ADA2: variants seen among roughly 807,000 people sequenced by gnomAD.
ADA2 encodes the protein adenosine deaminase CECR1.
ADA2 carries 29 observed loss-of-function variants against 44.2 expected under a neutral mutation model. The observed-to-expected ratio is 0.66, with a 90% CI of 0.49 to 0.89. The LOEUF is 0.89. ADA2 is among the 40% of genes least tolerant of loss of function. The pLI, the probability that ADA2 is intolerant of heterozygous loss-of-function variation, is 0.00. For missense variants in ADA2, 637 were observed against 644.8 expected (o/e 0.99, Z 0.13); for synonymous variants, 215 against 234.9 (o/e 0.92, Z 0.77).
rs2061944403 is a variant in ADA2 at position 17,179,440 on chromosome 22, A to C, written c.*2043T>G. ...ACAGTCTGGCAGGGCAAGACTGTAG[A>C]CACAGAAATAAATATCCGATTATAA... On this transcript the variant is annotated 3_prime_UTR_variant, in exon 10 of 10. Transcript: ENST00000399837. The C allele has an allele frequency of 6.6e-6, 1 of 152,246 alleles. No homozygotes were observed. Among genetic ancestry groups the C allele is most frequent in the Admixed American group, 6.5e-5 (1 of 15,282 alleles). The allele number at this position is 152,246 out of a possible 1,614,324, so 9.4% of individuals were successfully genotyped here.
intron 1 of ADA2, among the ~76,000 whole-genome samples, chr22:17,218,334 A>C (rs1269666058): frequency 1.3e-5 from 2 of 152,190 alleles, no homozygotes; most frequent in East Asian, 1.9e-4. Flanking sequence ...TAGCAAAGAA[A>C]ATTTTAAGAA....
chr22:17,184,716 C>A (rs1416120750), intron 7 of ADA2, among the ~76,000 whole-genome samples: 4 of 149,746 alleles, frequency 2.7e-5, no homozygotes, highest in Non-Finnish European at 3.0e-5. Flanking sequence ...TTGCTTGAGC[C>A]CAGGAGTTCA....
intron 4 of ADA2, chr22:17,193,150 C>T (rs2062142415): frequency 1.4e-6 from 2 of 1,418,318 alleles, no homozygotes; most frequent in African/African-American, 1.4e-5. Context: ...TCCACAACAT[C>T]AAGGAGCTGG....
At chr22:17,199,042 G>A (rs1465502072) in intron 4 of ADA2, among the ~76,000 whole-genome samples, 1 of 152,138 alleles carries the variant, frequency 6.6e-6, no homozygotes, top group African/African-American at 2.4e-5. Flanking sequence ...GGCTAATGGG[G>A]GGCATTAAGA....
At chr22:17,214,220 G>C in intron 1 of ADA2, 1 of 499,274 alleles carries the variant, frequency 2.0e-6, no homozygotes, top group South Asian at 1.8e-5. Flanking sequence ...GGGGTTGTGT[G>C]TGTTTCCTTT....
intron 3 of ADA2, among the ~76,000 whole-genome samples, chr22:17,206,198 T>G (rs2062351926): frequency 6.6e-6 from 1 of 152,128 alleles, no homozygotes; most frequent in South Asian, 2.1e-4. Context: ...CACTCATGCC[T>G]GTAATCTCAG....
intron 4 of ADA2, among the ~76,000 whole-genome samples, chr22:17,200,726 A>C (rs1216673827): frequency 2.0e-5 from 3 of 151,948 alleles, no homozygotes; most frequent in Non-Finnish European, 4.4e-5. Flanking sequence ...TACTAATAAT[A>C]CAAAAATTAG....
At chr22:17,191,858 G>A (rs534946024) in intron 4 of ADA2, 48 bp from the exon 5 acceptor site, 19 of 1,569,286 alleles carry the variant, frequency 1.2e-5, no homozygotes, top group African/African-American at 6.8e-5. Flanking sequence ...AGTGAGAGAC[G>A]CCACCCCCTT....
At chr22:17,200,896 A>AT (rs2062274867) in intron 4 of ADA2, among the ~76,000 whole-genome samples, 4 of 151,456 alleles carry the variant, frequency 2.6e-5, no homozygotes, top group Non-Finnish European at 1.5e-5. Context: ...AAAAAAAAAA[A>AT]CATATCTAAG....
At position 17,189,940 on chromosome 22, in the gene ADA2, A is replaced by G; in HGVS notation, c.972+2T>C. The G allele has an allele frequency of 1.9e-6, 3 of 1,608,770 alleles. No individual in the cohort carries two copies. Among genetic ancestry groups the G allele is most frequent in the Non-Finnish European group, 2.6e-6 (3 of 1,175,140 alleles). ...AGCCCTTCTGTTCACAGCATGGGTT[A>G]CCAGGTCAAACCCTGCCACCACCGT... On this transcript the variant is annotated splice_donor_variant, in intron 6 of 9. Coordinates refer to ENST00000399837, the MANE Select transcript of ADA2 (RefSeq NM_001282225.2). LOFTEE classifies it high-confidence loss of function.
chr22:17,199,172 AGGTTG>A (rs2062236615), intron 4 of ADA2, among the ~76,000 whole-genome samples: 1 of 151,990 alleles, frequency 6.6e-6, no homozygotes, highest in Admixed American at 6.6e-5. Flanking sequence ...CCTTCTCCAA[AGGTTG>A]GCTGGGGGAC....
intron 9 of ADA2, 53 bp from the exon 10 acceptor site, chr22:17,181,629 G>C: frequency 7.5e-7 from 1 of 1,326,030 alleles, no homozygotes; most frequent in Non-Finnish European, 1.1e-6. Flanking sequence ...TTGGGGAACG[G>C]GGCAGGGAGC....
intron 7 of ADA2, among the ~76,000 whole-genome samples, chr22:17,187,681 AAG>A (rs1230249038): frequency 5.3e-4 from 71 of 134,202 alleles, no homozygotes; most frequent in Admixed American, 1.0e-3. Flanking sequence ...AAAAAAAAAA[AAG>A]AAGAAGAAGA....
At chr22:17,199,448 C>CCTCCCCCCCTCTCTCCTCT in intron 4 of ADA2, 1 of 1,129,590 alleles carries the variant, frequency 8.9e-7, no homozygotes, top group Non-Finnish European at 1.3e-6. Flanking sequence ...TCTTCCCCTC[C>CCTCCCCCCCTCTCTCCTCT]ACCCACGAAG....
intron 4 of ADA2, among the ~76,000 whole-genome samples, chr22:17,201,737 G>A (rs2062289803): frequency 6.6e-6 from 1 of 152,110 alleles, no homozygotes; most frequent in Non-Finnish European, 1.5e-5. Context: ...AGCAGTATTT[G>A]AGCACCTAGG....
rs567771354 is a variant in ADA2 at position 17,187,680 on chromosome 22, A to G, written c.1081+659T>C. On this transcript the variant is annotated intron_variant, in intron 7 of 9. Coordinates refer to ENST00000399837, the MANE Select transcript of ADA2 (RefSeq NM_001282225.2). ...CACGAAAAATTAAAAAAAAAAAAAA[A>G]AAGAAGAAGAAGAAGGATTCAAATT... Among the ~76,000 whole-genome samples the G allele has an allele frequency of 8.7e-4, 123 of 141,654 alleles. 1 individual carries two copies. The highest frequency in any genetic ancestry group is 2.8e-3 in the African/African-American group (98 of 34,852). The allele number at this position is 141,654 out of a possible 152,430, so 92.9% of individuals were successfully genotyped here. A position where few individuals can be genotyped will look rare whatever the true frequency, so the allele number is the denominator to read the frequency against.
chr22:17,212,023 C>A (rs1419938896), intron 1 of ADA2, among the ~76,000 whole-genome samples: 2 of 151,712 alleles, frequency 1.3e-5, no homozygotes, highest in African/African-American at 2.4e-5. Context: ...CTTTTCTTTT[C>A]TTTTCTTTTC....
intron 5 of ADA2, among the ~76,000 whole-genome samples, chr22:17,191,119 G>T (rs1218024516): frequency 6.6e-6 from 1 of 152,210 alleles, no homozygotes; most frequent in Non-Finnish European, 1.5e-5. Context: ...TGAGGGGAGG[G>T]GTCTTGTCTG....
At chr22:17,203,391 G>T (rs2062313958) in intron 4 of ADA2, among the ~76,000 whole-genome samples, 172 bp downstream of exon 4, 2 of 152,122 alleles carry the variant, frequency 1.3e-5, no homozygotes, top group Admixed American at 1.3e-4. Flanking sequence ...GCTGGAGGCT[G>T]CCCAGTCCAT....
Sources: gnomAD v4.1 joint callset for allele counts (sites outside exome capture counted in the v4.1 genomes callset) on GRCh38, gnomAD v4.1.1 for gene constraint, MANE v1.5 for transcripts, NCBI Gene and HGNC (gene_info 2026-07-23, HGNC 2026-07-21) for gene names.